Variants in TNR observed in about 807,000 individuals in gnomAD.
The protein encoded by TNR is tenascin-R.
In TNR, 45 loss-of-function variants were observed where a neutral mutation model predicts 150.4. The ratio of observed to expected loss-of-function variants is 0.30; its 90% confidence interval spans 0.24 to 0.38. The LOEUF is 0.38. TNR is among the 10% of genes least tolerant of loss of function. The pLI is 1.00. For synonymous variants in TNR, 687 were observed against 678.4 expected, an observed-to-expected ratio of 1.01 and a Z score of -0.20; for missense variants, 1,544 against 1,759.1, an observed-to-expected ratio of 0.88 and a Z score of 2.19.
At chr1:175,431,635 C>CTTTTTTTTTTTTTTTTTTTTT (rs35340891) in intron 2 of TNR, among the ~76,000 whole-genome samples, 1 of 143,094 alleles carries the variant, frequency 7.0e-6, no homozygotes. Flanking sequence ...CTGACAATAA[C>CTTTTTTTTTTTTTTTTTTTTT]TTTTTTTTTT....
chr1:175,640,398 C>G (rs1263770860), intron 1 of TNR, among the ~76,000 whole-genome samples: 1 of 152,196 alleles, frequency 6.6e-6, no homozygotes. Context: ...TTAAAGGTGT[C>G]TTGGTTGTTA....
At chr1:175,355,714 G>A in intron 16 of TNR, 81 bp from the exon 17 acceptor site, 2 of 1,581,882 alleles carry the variant, frequency 1.3e-6, no homozygotes. Flanking sequence ...GGTATCTGTT[G>A]CCCACCTCTT....
intron 1 of TNR, among the ~76,000 whole-genome samples, chr1:175,569,918 T>C (rs1487993519): frequency 2.6e-5 from 4 of 152,222 alleles, no homozygotes; most frequent in African/African-American, 9.6e-5. Context: ...GTCATCCATG[T>C]ACCCTCTTCC....
intron 1 of TNR, among the ~76,000 whole-genome samples, chr1:175,696,936 T>G (rs1424193305): frequency 1.3e-5 from 2 of 151,734 alleles, no homozygotes; most frequent in Non-Finnish European, 1.5e-5. Context: ...TGCTTTTATA[T>G]CCAAGAGCTT....
chr1:175,733,236 AT>A (rs1667688490), intron 1 of TNR, among the ~76,000 whole-genome samples: 1 of 152,192 alleles, frequency 6.6e-6, no homozygotes, highest in South Asian at 2.1e-4. Context: ...CCCTTCCCAG[AT>A]TTCCCACTGT....
chr1:175,519,977 G>A (rs1476655513), intron 2 of TNR, among the ~76,000 whole-genome samples: 4 of 152,158 alleles, frequency 2.6e-5, no homozygotes, highest in African/African-American at 9.7e-5. Flanking sequence ...CACTTACTAA[G>A]CTGTTTGAAT....
chr1:175,350,468 T>A (rs1651002908), intron 18 of TNR, among the ~76,000 whole-genome samples: 1 of 152,226 alleles, frequency 6.6e-6, no homozygotes, highest in African/African-American at 2.4e-5. Flanking sequence ...TTTATATTCA[T>A]ATCTCTAAAA....
intron 1 of TNR, among the ~76,000 whole-genome samples, chr1:175,590,759 T>C (rs941337380): frequency 6.6e-6 from 1 of 151,838 alleles, no homozygotes. Flanking sequence ...ACCAGCAAGG[T>C]GAAAAGTGAA....
chr1:175,591,009 A>G (rs765367527), intron 1 of TNR, among the ~76,000 whole-genome samples: 6 of 152,234 alleles, frequency 3.9e-5, no homozygotes, highest in Non-Finnish European at 7.3e-5. Context: ...AGAGGACAGC[A>G]GTTCCAAGGA....
intron 2 of TNR, among the ~76,000 whole-genome samples, chr1:175,416,784 G>A (rs370599662): frequency 2.6e-4 from 39 of 152,172 alleles, no homozygotes; most frequent in African/African-American, 6.5e-4. Context: ...CAAGACGGGC[G>A]GATCACGACG....
Position 175,386,256 on chromosome 1 carries a change from G to T in TNR, c.1553C>A (p.Thr518Asn). ...GGGAATCCACTCCACAAAAGCCACA[G>T]TGTCCGAGACATCGCGAACCAGGAT... Reference protein sequence around the residue: ...TQILVRDVSDTVAFVEWIPPR... With the variant: ...TQILVRDVSDNVAFVEWIPPR... Residue 518 changes from threonine (T) to asparagine (N), a missense_variant, in exon 8 of 23, where the codon ACT (threonine) becomes AAT (asparagine). Thr to Asn is a moderately conservative substitution (Grantham distance 65, BLOSUM62 0). Coordinates refer to ENST00000367674, the MANE Select transcript of TNR (RefSeq NM_003285.3). The T allele has an allele frequency of 6.3e-7, 1 of 1,596,136 alleles. No individual in the cohort carries two copies. The highest frequency in any genetic ancestry group is 8.6e-7 in the Non-Finnish European group (1 of 1,166,840).
intron 1 of TNR, among the ~76,000 whole-genome samples, chr1:175,705,415 T>C (rs1299132132): frequency 6.6e-6 from 1 of 152,210 alleles, no homozygotes; most frequent in Non-Finnish European, 1.5e-5. Flanking sequence ...TTCTAAGGCT[T>C]ATGAAATTAA....
At chr1:175,678,912 G>A (rs549106656) in intron 1 of TNR, among the ~76,000 whole-genome samples, 2 of 152,316 alleles carry the variant, frequency 1.3e-5, no homozygotes, top group East Asian at 3.9e-4. Flanking sequence ...GCTGTGGTCA[G>A]TTGGGGTGAC....
At chr1:175,340,235 T>C (rs1571313650) in intron 18 of TNR, among the ~76,000 whole-genome samples, 1 of 151,936 alleles carries the variant, frequency 6.6e-6, no homozygotes, top group Non-Finnish European at 1.5e-5. Flanking sequence ...GGGGGGCGGG[T>C]ACTCCCCAGA....
intron 1 of TNR, among the ~76,000 whole-genome samples, chr1:175,672,477 C>G (rs533287131): frequency 1.3e-5 from 2 of 152,320 alleles, no homozygotes; most frequent in East Asian, 3.9e-4. Context: ...GGGGCAATCA[C>G]AAGTGTTGTT....
chr1:175,700,614 CACT>C (rs1666663667), intron 1 of TNR, among the ~76,000 whole-genome samples: 1 of 152,124 alleles, frequency 6.6e-6, no homozygotes. Flanking sequence ...GTCCAGCCTC[CACT>C]GTTAAAACAG....
intron 2 of TNR, among the ~76,000 whole-genome samples, chr1:175,508,033 T>C (rs937956667): frequency 7.2e-5 from 11 of 152,142 alleles, no homozygotes; most frequent in African/African-American, 2.7e-4. Context: ...CACCACATGT[T>C]CTCACTTGTA....
At chr1:175,421,259 C>T (rs1421911298) in intron 2 of TNR, among the ~76,000 whole-genome samples, 6 of 152,174 alleles carry the variant, frequency 3.9e-5, no homozygotes, top group African/African-American at 1.4e-4. Context: ...ATCACCAGGC[C>T]CCATGAGGCT....
At chr1:175,371,668 C>CACTCTGAG (rs1359668420) in intron 9 of TNR, among the ~76,000 whole-genome samples, 2 of 152,150 alleles carry the variant, frequency 1.3e-5, no homozygotes, top group African/African-American at 4.8e-5. Context: ...TAAAGATTCA[C>CACTCTGAG]ACGTTATTTA....
Sources: allele counts gnomAD v4.1 joint callset (sites outside exome capture counted in the v4.1 genomes callset), GRCh38; gene constraint gnomAD v4.1.1; transcripts MANE v1.5; gene names NCBI Gene and HGNC (gene_info 2026-07-23, HGNC 2026-07-21).